The following VTA1 variants were observed in gnomAD, a reference collection of about 807,000 sequenced individuals.
VTA1 encodes the protein vacuolar protein sorting-associated protein VTA1 homolog.
A neutral mutation model predicts 36.9 loss-of-function variants in VTA1; 24 were observed. The observed-to-expected ratio is 0.65, with a 90% CI of 0.47 to 0.91. The LOEUF (loss-of-function observed/expected upper bound fraction) is 0.91. Ranked by LOEUF, VTA1 falls within the 40% of genes least tolerant of loss-of-function variation. The probability of loss-of-function intolerance (pLI) is 0.00; values close to 1 mark genes in which losing one functional copy is unlikely to be tolerated. For synonymous variants in VTA1, 142 were observed against 130.2 expected (o/e 1.09, Z -0.62); for missense variants, 393 against 377.2 (o/e 1.04, Z -0.35).
At chr6:142,167,677 C>T (rs1200296887) in intron 2 of VTA1, among the ~76,000 whole-genome samples, 1 of 152,196 alleles carries the variant, frequency 6.6e-6, no homozygotes, top group Non-Finnish European at 1.5e-5. Flanking sequence ...GTCTGGCTTA[C>T]TGACTCCTGT....
At chr6:142,181,078 G>GA (rs1162412059) in intron 4 of VTA1, among the ~76,000 whole-genome samples, 767 of 51,210 alleles carry the variant, frequency 0.015, 18 homozygotes, top group East Asian at 0.084. Context: ...AAATGGTACA[G>GA]AAAAAAAAAA....
intron 4 of VTA1, among the ~76,000 whole-genome samples, chr6:142,179,231 C>G (rs188126296): frequency 3.8e-4 from 57 of 151,950 alleles, no homozygotes; most frequent in Non-Finnish European, 6.8e-4. Context: ...AAATTGTTGT[C>G]TAGAATGTGA....
chr6:142,152,447 AT>A (rs1232676273), intron 1 of VTA1, among the ~76,000 whole-genome samples: 1 of 152,116 alleles, frequency 6.6e-6, no homozygotes, highest in Non-Finnish European at 1.5e-5. Context: ...AAAAACTGGG[AT>A]TTGGGGGGAT....
At chr6:142,177,732 G>A (rs1775153266) in intron 4 of VTA1, among the ~76,000 whole-genome samples, 1 of 152,086 alleles carries the variant, frequency 6.6e-6, no homozygotes, top group African/African-American at 2.4e-5. Context: ...TGTATTCATT[G>A]CTAGTTTTAG....
intron 2 of VTA1, 122 bp downstream of exon 2, chr6:142,166,444 C>A (rs756247482): frequency 1.6e-6 from 1 of 630,792 alleles, no homozygotes; most frequent in Non-Finnish European, 2.7e-6. Flanking sequence ...GCCATTATAC[C>A]TGAGGAAAAA....
At chr6:142,200,191 T>G (rs1775652618) in intron 6 of VTA1, among the ~76,000 whole-genome samples, 1 of 152,126 alleles carries the variant, frequency 6.6e-6, no homozygotes, top group African/African-American at 2.4e-5. Context: ...TTAATCATAC[T>G]TACTTCTCAT....
chr6:142,212,470 T>C (rs1775922543), intron 7 of VTA1, among the ~76,000 whole-genome samples: 1 of 150,952 alleles, frequency 6.6e-6, no homozygotes, highest in Non-Finnish European at 1.5e-5. Context: ...AAAGGCAAAC[T>C]ATAGAGGGGG....
At chr6:142,160,584 G>A (rs1774782872) in intron 1 of VTA1, among the ~76,000 whole-genome samples, 1 of 151,926 alleles carries the variant, frequency 6.6e-6, no homozygotes, top group Non-Finnish European at 1.5e-5. Context: ...TTCTGCTTGG[G>A]ACTCCTCTTC....
At chr6:142,149,143 C>T (rs189463952) in intron 1 of VTA1, among the ~76,000 whole-genome samples, 1 of 152,246 alleles carries the variant, frequency 6.6e-6, no homozygotes, top group East Asian at 1.9e-4. Context: ...CTTTTCCAGC[C>T]TTATAGGTAA....
chr6:142,198,117 A>ATGTGTGTGTGTGTGTGTGTG (rs1265860816), intron 5 of VTA1, among the ~76,000 whole-genome samples: 7 of 78,664 alleles, frequency 8.9e-5, no homozygotes, highest in East Asian at 3.6e-4. Flanking sequence ...ATATATATAT[A>ATGTGTGTGTGTGTGTGTGTG]TATGTGTGTG....
At chr6:142,162,595 C>T (rs1185793155) in intron 1 of VTA1, among the ~76,000 whole-genome samples, 1 of 152,086 alleles carries the variant, frequency 6.6e-6, no homozygotes, top group Non-Finnish European at 1.5e-5. Context: ...CCATTTGAGA[C>T]TGATAATTAC....
rs1776047953 is a variant in VTA1, at chr6:142,218,668, A to G, written c.*25A>G. On this transcript the variant is annotated 3_prime_UTR_variant, in exon 8 of 8. Coordinates refer to ENST00000367630, the MANE Select transcript of VTA1 (RefSeq NM_016485.5). ...AAGCCTTTGTATGACAGACCCATGT[A>G]TTTTTGGCATGAGGAACTAACAGTC... is the stretch of plus-strand genomic sequence containing the variant. 1 of 1,584,734 alleles carries G rather than the reference A, an allele frequency of 6.3e-7. No homozygotes were observed. Among genetic ancestry groups the G allele is most frequent in the Admixed American group, 1.9e-5 (1 of 52,398 alleles).
intron 4 of VTA1, among the ~76,000 whole-genome samples, 153 bp downstream of exon 4, chr6:142,170,574 T>A (rs1434755437): frequency 6.6e-6 from 1 of 152,254 alleles, no homozygotes; most frequent in Non-Finnish European, 1.5e-5. Context: ...TAGCCATTTT[T>A]AAAAAGTAAA....
chr6:142,217,928 A>G (rs1347372028), intron 7 of VTA1, among the ~76,000 whole-genome samples: 1 of 152,128 alleles, frequency 6.6e-6, no homozygotes, highest in Non-Finnish European at 1.5e-5. Flanking sequence ...ACTTGCTAAG[A>G]ATAAATTTTA....
At chr6:142,159,102 G>T (rs1774726812) in intron 1 of VTA1, among the ~76,000 whole-genome samples, 1 of 152,172 alleles carries the variant, frequency 6.6e-6, no homozygotes, top group African/African-American at 2.4e-5. Flanking sequence ...GCTCATGCCT[G>T]TAATCTCAGC....
chr6:142,186,580 A>G (rs1395126302), intron 4 of VTA1, among the ~76,000 whole-genome samples: 1 of 152,052 alleles, frequency 6.6e-6, no homozygotes, highest in East Asian at 1.9e-4. Flanking sequence ...GGGGAGAGGC[A>G]AAGTATAGAG....
At position 142,166,220 on chromosome 6, in the gene VTA1, C is replaced by A. The variant is rs1359466959; in HGVS notation, c.113-8C>A. On this transcript the variant is annotated splice_region_variant and splice_polypyrimidine_tract_variant and intron_variant, in intron 1 of 7. Transcript: ENST00000367630. ...AAATTGTTCAAATTATCTTACTTTT[C>A]TTTCTAGGTCGTTTATACGCAATGC... is the stretch of plus-strand genomic sequence containing the variant. 2.5e-6 allele frequency: 4 copies of A among 1,582,688 alleles called. No homozygotes were observed. The highest frequency in any genetic ancestry group is 1.3e-5 in the African/African-American group (1 of 74,156).
At position 142,181,793 on chromosome 6, in the gene VTA1, T is replaced by G. The variant is rs112304704; in HGVS notation, c.412-7633T>G. On this transcript the variant is annotated intron_variant, in intron 4 of 7. Coordinates refer to ENST00000367630, the MANE Select transcript of VTA1 (RefSeq NM_016485.5). ...GTCTTTGTGTATTAAGTTATAGTTA[T>G]GATTTGGGGGGTATAGTTTTACTCT... Among the ~76,000 whole-genome samples, 1,030 of 152,252 alleles carry G rather than the reference T, an allele frequency of 6.8e-3. 14 individuals are homozygous for G. The highest frequency in any genetic ancestry group is 0.024 in the African/African-American group (983 of 41,564).
At chr6:142,181,385 G>A (rs1158415271) in intron 4 of VTA1, among the ~76,000 whole-genome samples, 9 of 147,450 alleles carry the variant, frequency 6.1e-5, no homozygotes, top group Non-Finnish European at 1.0e-4. Flanking sequence ...CGCCTTCCTC[G>A]GCCTCCTGAA....
Sources: allele counts gnomAD v4.1 joint callset (sites outside exome capture counted in the v4.1 genomes callset), GRCh38; gene constraint gnomAD v4.1.1; transcripts MANE v1.5; gene names NCBI Gene and HGNC (gene_info 2026-07-23, HGNC 2026-07-21).